The following CPA6 variants were observed in gnomAD, a reference collection of about 807,000 sequenced individuals.
CPA6 encodes carboxypeptidase B.
CPA6 carries 58 observed loss-of-function variants against 63.3 expected under a neutral mutation model. The ratio of observed to expected loss-of-function variants is 0.92; its 90% CI spans 0.74 to 1.14. CPA6 has a LOEUF of 1.14. Ranked by LOEUF, CPA6 falls within the 50% of genes most tolerant of loss-of-function variation. The probability of loss-of-function intolerance (pLI) is 0.00; values close to 1 mark genes in which losing one functional copy is unlikely to be tolerated. For missense variants in CPA6, 565 were observed against 526.6 expected, an observed-to-expected ratio of 1.07 and a Z score of -0.71; for synonymous variants, 185 against 179.0, an observed-to-expected ratio of 1.03 and a Z score of -0.27.
intron 1 of CPA6, among the ~76,000 whole-genome samples, chr8:67,706,920 G>A (rs1408161657): frequency 6.6e-6 from 1 of 151,926 alleles, no homozygotes. Context: ...ATGTGTTATT[G>A]GTATGTGTTC....
chr8:67,591,098 A>G (rs1265077723), intron 2 of CPA6, among the ~76,000 whole-genome samples: 2 of 151,596 alleles, frequency 1.3e-5, no homozygotes, highest in East Asian at 3.9e-4. Flanking sequence ...TCAGCTTTCT[A>G]CATATGGCTA....
chr8:67,514,922 T>C (rs1283449324), intron 3 of CPA6, among the ~76,000 whole-genome samples: 2 of 152,212 alleles, frequency 1.3e-5, no homozygotes, highest in Non-Finnish European at 2.9e-5. Context: ...TCTAGAAGCA[T>C]AGATAAAATA....
chr8:67,541,445 A>C (rs1812702112), intron 2 of CPA6, among the ~76,000 whole-genome samples: 2 of 152,126 alleles, frequency 1.3e-5, no homozygotes, highest in South Asian at 4.1e-4. Flanking sequence ...TTTGCATAAA[A>C]AAAGCACTGT....
chr8:67,424,776 G>T (rs1809847759), intron 10 of CPA6, among the ~76,000 whole-genome samples: 1 of 152,144 alleles, frequency 6.6e-6, no homozygotes. Flanking sequence ...GATTACCAAT[G>T]ACCTCAGGCC....
chr8:67,674,142 C>A (rs1440830824), intron 1 of CPA6, among the ~76,000 whole-genome samples: 1 of 152,172 alleles, frequency 6.6e-6, no homozygotes, highest in Non-Finnish European at 1.5e-5. Flanking sequence ...CATGACATGA[C>A]AGAGAGGGTA....
intron 1 of CPA6, among the ~76,000 whole-genome samples, chr8:67,723,442 CA>C (rs1817539365): frequency 6.6e-6 from 1 of 152,186 alleles, no homozygotes; most frequent in South Asian, 2.1e-4. Flanking sequence ...GTTAGGATTA[CA>C]GGCGTGAGCC....
At chr8:67,489,995 T>C (rs1811570067) in intron 6 of CPA6, among the ~76,000 whole-genome samples, 1 of 152,178 alleles carries the variant, frequency 6.6e-6, no homozygotes, top group Admixed American at 6.6e-5. Context: ...CAGGGTGTCA[T>C]TGTATTGCAT....
At chr8:67,440,742 A>AAATAATAAATATACACTAT (rs1472637911) in intron 8 of CPA6, among the ~76,000 whole-genome samples, 1 of 152,176 alleles carries the variant, frequency 6.6e-6, no homozygotes, top group Non-Finnish European at 1.5e-5. Context: ...CAATTATAAC[A>AAATAATAAATATACACTAT]AGATGATAAA....
intron 2 of CPA6, among the ~76,000 whole-genome samples, chr8:67,619,034 G>A (rs1815019786): frequency 6.6e-6 from 1 of 152,208 alleles, no homozygotes; most frequent in Admixed American, 6.5e-5. Context: ...AACCAGCTTT[G>A]TAACAGCAGT....
chr8:67,523,089 T>G (rs1291353203), intron 2 of CPA6, among the ~76,000 whole-genome samples: 1 of 152,276 alleles, frequency 6.6e-6, no homozygotes, highest in African/African-American at 2.4e-5. Context: ...GAATCCCAGC[T>G]CTGCCACTTG....
rs190241806 is a variant in CPA6 at position 67,485,454 on chromosome 8, T to A, written c.637-665A>T. Reference sequence around the variant, plus strand: ...TATGTAGCATGAGAACAATGTATGATATTGTGTGTATGCGTTAACATTATA... The same window carrying A: ...TATGTAGCATGAGAACAATGTATGAAATTGTGTGTATGCGTTAACATTATA... On this transcript the variant is annotated intron_variant, in intron 6 of 10. Transcript: ENST00000297770. Among the ~76,000 whole-genome samples the A allele has an allele frequency of 1.4e-3, 213 of 152,316 alleles. 2 individuals carry two copies. Among genetic ancestry groups the A allele is most frequent in the Non-Finnish European group, 1.8e-4 (12 of 68,022 alleles).
intron 2 of CPA6, among the ~76,000 whole-genome samples, chr8:67,587,023 G>A (rs1481179102): frequency 2.6e-5 from 4 of 152,218 alleles, no homozygotes; most frequent in Non-Finnish European, 4.4e-5. Context: ...AACTAGTATG[G>A]CAAAGGCCAC....
At chr8:67,598,224 A>G (rs945481739) in intron 2 of CPA6, among the ~76,000 whole-genome samples, 12 of 152,226 alleles carry the variant, frequency 7.9e-5, no homozygotes, top group African/African-American at 2.9e-4. Context: ...GAGCAAAAGT[A>G]GCTATAAACT....
intron 1 of CPA6, among the ~76,000 whole-genome samples, chr8:67,716,873 G>C (rs1817393378): frequency 6.6e-6 from 1 of 152,112 alleles, no homozygotes; most frequent in African/African-American, 2.4e-5. Context: ...CTGAAAAATA[G>C]CCAACTGCTC....
At chr8:67,706,547 G>T (rs938336337) in intron 1 of CPA6, among the ~76,000 whole-genome samples, 27 of 151,852 alleles carry the variant, frequency 1.8e-4, no homozygotes, top group Admixed American at 1.7e-3. Context: ...TTTAAGTTAG[G>T]GTAAAGCTAA....
intron 1 of CPA6, among the ~76,000 whole-genome samples, chr8:67,673,358 T>C (rs1486228939): frequency 7.5e-6 from 1 of 132,530 alleles, no homozygotes; most frequent in Non-Finnish European, 1.5e-5. Context: ...TTCAATTTAT[T>C]ATTATTATTA....
chr8:67,641,003 G>A lies in CPA6; in HGVS notation c.117-16752C>T, dbSNP rs976890603. Among the ~76,000 whole-genome samples the A allele has an allele frequency of 5.3e-5, 8 of 151,812 alleles. No homozygotes were observed. The East Asian group carries it at 5.8e-4, about 11-fold the overall frequency. On this transcript the variant is annotated intron_variant, in intron 1 of 10. Transcript: ENST00000297770. ...GTCCTGCCCAGCCATGCAAGGGTGC[G>A]GGTCATGCAGTTGGCTGCCTCAGGG...
chr8:67,470,829 AT>A (rs1284930201), intron 8 of CPA6, among the ~76,000 whole-genome samples: 1 of 152,204 alleles, frequency 6.6e-6, no homozygotes, highest in Non-Finnish European at 1.5e-5. Flanking sequence ...GATGCAGATA[AT>A]AATATTCTTA....
At chr8:67,543,060 C>G (rs942407272) in intron 2 of CPA6, among the ~76,000 whole-genome samples, 7 of 152,250 alleles carry the variant, frequency 4.6e-5, no homozygotes, top group Non-Finnish European at 8.8e-5. Context: ...AGGATTTCTT[C>G]TTGTTGTTGT....
Sources: allele counts gnomAD v4.1 joint callset (sites outside exome capture counted in the v4.1 genomes callset), GRCh38; gene constraint gnomAD v4.1.1; transcripts MANE v1.5; gene names NCBI Gene and HGNC (gene_info 2026-07-23, HGNC 2026-07-21).